The following MYO3B variants were observed in gnomAD, a reference collection of about 807,000 sequenced individuals.
MYO3B encodes the protein myosin IIIB.
In MYO3B, 156 loss-of-function variants were observed where a neutral mutation model predicts 174.6. That is an observed-to-expected ratio of 0.89 (90% CI 0.78 to 1.02). MYO3B has a LOEUF of 1.02. MYO3B is among the 50% of genes least tolerant of loss of function. The probability of loss-of-function intolerance (pLI) is 0.00; values close to 1 mark genes in which losing one functional copy is unlikely to be tolerated. For synonymous variants in MYO3B, 563 were observed against 569.1 expected, an observed-to-expected ratio of 0.99 and a Z score of 0.15; for missense variants, 1,632 against 1,639.4, an observed-to-expected ratio of 1.00 and a Z score of 0.08.
rs547421287 is a variant in MYO3B at position 170,536,109 on chromosome 2, G to A, written c.3576-6797G>A. On this transcript the variant is annotated intron_variant, in intron 30 of 34. Coordinates refer to ENST00000408978, the MANE Select transcript of MYO3B (RefSeq NM_138995.5). ...CAGTAAAGTAGTGAAGGAGGGAAAA[G>A]AAAACAAATGAGAATGCAAGGACTG... Among the ~76,000 whole-genome samples the A allele has an allele frequency of 8.5e-5, 13 of 152,306 alleles. No individual in the cohort carries two copies. The South Asian group carries it at 1.5e-3, about 17-fold the overall frequency.
chr2:170,608,561 G>A (rs1465161424), intron 32 of MYO3B, among the ~76,000 whole-genome samples: 1 of 151,854 alleles, frequency 6.6e-6, no homozygotes, highest in Non-Finnish European at 1.5e-5. Context: ...CCGTTTACAT[G>A]TCCTTTGCAT....
In MYO3B at chr2:170,498,702, A is replaced by C. The variant is rs1280266280; in HGVS notation, c.3125A>C (p.Lys1042Thr). 1.9e-6 allele frequency: 3 copies of C among 1,573,044 alleles called. No individual in the cohort carries two copies. The highest frequency in any genetic ancestry group is 2.6e-6 in the Non-Finnish European group (3 of 1,142,940). The change falls in exon 26 of 35, where the codon AAG (lysine) becomes ACG (threonine). Residue 1042 changes from lysine to threonine, a missense_variant and splice_region_variant. Physicochemically the swap from Lys to Thr is moderately conservative, Grantham distance 78. Coordinates refer to ENST00000408978, the MANE Select transcript of MYO3B (RefSeq NM_138995.5). ...GATCACTGGGTACTGGGAAAAACAA[A>C]GGTAGTTCGTTCTTTATTGTTCAAA... Reference protein sequence around the residue: ...RLDHWVLGKTKVFLKYYHVEQ... With the variant: ...RLDHWVLGKTTVFLKYYHVEQ...
chr2:170,535,652 G>A (rs932021424), intron 30 of MYO3B, among the ~76,000 whole-genome samples: 16 of 152,192 alleles, frequency 1.1e-4, no homozygotes, highest in Non-Finnish European at 2.2e-4. Flanking sequence ...CCAAGCTTGG[G>A]TTTCCTGGTC....
chr2:170,589,868 G>C (rs1490424997), intron 32 of MYO3B, among the ~76,000 whole-genome samples: 2 of 152,136 alleles, frequency 1.3e-5, no homozygotes, highest in Non-Finnish European at 2.9e-5. Context: ...AATCCTGTAA[G>C]CATCATTTAT....
intron 32 of MYO3B, among the ~76,000 whole-genome samples, chr2:170,582,190 A>G (rs1559134936): frequency 6.6e-6 from 1 of 152,234 alleles, no homozygotes; most frequent in Admixed American, 6.5e-5. Context: ...ATGGCTACAG[A>G]CGCACTACCA....
chr2:170,194,761 T>C (rs2092580334), intron 1 of MYO3B, among the ~76,000 whole-genome samples: 1 of 152,086 alleles, frequency 6.6e-6, no homozygotes, highest in African/African-American at 2.4e-5. Context: ...ATCTGCAAGT[T>C]GAGGAGCAAG....
chr2:170,283,141 G>A (rs1304273297), intron 7 of MYO3B, among the ~76,000 whole-genome samples: 1 of 152,080 alleles, frequency 6.6e-6, no homozygotes, highest in African/African-American at 2.4e-5. Flanking sequence ...TTAGGAATGT[G>A]TGGGACCCAG....
chr2:170,615,089 C>T (rs1695368103), intron 32 of MYO3B, among the ~76,000 whole-genome samples: 1 of 152,184 alleles, frequency 6.6e-6, no homozygotes. Context: ...TTCGGTGTCA[C>T]ACTTTCCTCT....
At chr2:170,188,842 G>T (rs1170664344) in intron 1 of MYO3B, among the ~76,000 whole-genome samples, 1 of 151,930 alleles carries the variant, frequency 6.6e-6, no homozygotes, top group African/African-American at 2.4e-5. Context: ...TATTACTTTT[G>T]ATCAGTTCAT....
chr2:170,573,227 G>GTGTATATATATATATATA (rs1446970724), intron 32 of MYO3B, among the ~76,000 whole-genome samples: 54 of 46,460 alleles, frequency 1.2e-3, no homozygotes, highest in East Asian at 3.3e-3. Context: ...TATACTGTGT[G>GTGTATATATATATATATA]TATATATATA....
Position 170,459,416 on chromosome 2 carries a change from C to G in MYO3B, c.2731-3952C>G, listed in dbSNP as rs542522162. ...ATCCTTTAGCCAAACACAAAGTTCTCCAAGTCCCCACTAGATTAGCTAGAC... is the reference window on the plus strand; with the variant it reads ...ATCCTTTAGCCAAACACAAAGTTCTGCAAGTCCCCACTAGATTAGCTAGAC... On this transcript the variant is annotated intron_variant, in intron 23 of 34. Transcript: ENST00000408978. Among the ~76,000 whole-genome samples the G allele has an allele frequency of 2.6e-5, 4 of 152,284 alleles. No individual in the cohort carries two copies. In the South Asian group the frequency reaches 8.3e-4, roughly 32 times the overall value.
intron 25 of MYO3B, among the ~76,000 whole-genome samples, chr2:170,494,556 C>T (rs564167077): frequency 8.6e-5 from 13 of 151,534 alleles, no homozygotes; most frequent in African/African-American, 3.1e-4. Flanking sequence ...GGTGAAACCC[C>T]GTCTCCACTA....
At chr2:170,480,767 G>T (rs797020010) in intron 25 of MYO3B, among the ~76,000 whole-genome samples, 3 of 152,194 alleles carry the variant, frequency 2.0e-5, no homozygotes, top group Admixed American at 1.3e-4. Flanking sequence ...CTTGCTTGTG[G>T]TGGGGAAAAA....
chr2:170,322,695 C>T (rs1270106180), intron 7 of MYO3B, among the ~76,000 whole-genome samples: 3 of 152,202 alleles, frequency 2.0e-5, no homozygotes, highest in African/African-American at 4.8e-5. Context: ...GGAACTGCTA[C>T]TACATCTCCT....
intron 32 of MYO3B, among the ~76,000 whole-genome samples, chr2:170,633,205 C>T (rs539696025): frequency 3.3e-5 from 5 of 152,292 alleles, no homozygotes; most frequent in East Asian, 3.9e-4. Flanking sequence ...TGACGAACAT[C>T]GATGCAGAAA....
At chr2:170,620,920 G>T (rs1188283237) in intron 32 of MYO3B, among the ~76,000 whole-genome samples, 1 of 151,912 alleles carries the variant, frequency 6.6e-6, no homozygotes, top group Non-Finnish European at 1.5e-5. Flanking sequence ...TTGGAGTCTT[G>T]CTCTGTCACC....
chr2:170,456,942 T>C (rs905927914), intron 23 of MYO3B, among the ~76,000 whole-genome samples: 10 of 152,274 alleles, frequency 6.6e-5, no homozygotes, highest in African/African-American at 2.4e-4. Context: ...ACCTAGGCTA[T>C]AAGCTATCGC....
At chr2:170,613,092 T>G (rs574134158) in intron 32 of MYO3B, among the ~76,000 whole-genome samples, 23 of 152,316 alleles carry the variant, frequency 1.5e-4, no homozygotes, top group South Asian at 4.1e-4. Context: ...ACCACCCACC[T>G]GGAGCTCTGC....
At position 170,631,848 on chromosome 2, in the gene MYO3B, G is replaced by A. The variant is rs891102062; in HGVS notation, c.3734-19780G>A. Among the ~76,000 whole-genome samples, 10 of 152,212 alleles carry A rather than the reference G, an allele frequency of 6.6e-5. 1 individual carries two copies. The highest frequency in any genetic ancestry group is 1.3e-4 in the Admixed American group (2 of 15,274). On this transcript the variant is annotated intron_variant, in intron 32 of 34. Coordinates refer to ENST00000408978, the MANE Select transcript of MYO3B (RefSeq NM_138995.5). ...AACAAAAAAAGGCAGGGGTTGCAAT[G>A]CTACTCTCTGATAAAACAGAGTTTA...
Sources: allele counts gnomAD v4.1 joint callset (sites outside exome capture counted in the v4.1 genomes callset), GRCh38; gene constraint gnomAD v4.1.1; transcripts MANE v1.5; gene names NCBI Gene and HGNC (gene_info 2026-07-23, HGNC 2026-07-21).